The following SYT17 variants were observed in gnomAD, a reference collection of about 807,000 sequenced individuals.
SYT17 encodes the protein synaptotagmin-17.
In SYT17, 22 loss-of-function variants were observed where a neutral mutation model predicts 46.7. That is an observed-to-expected ratio of 0.47 (90% CI 0.34 to 0.67). SYT17 has a LOEUF of 0.67. Ranked by LOEUF, SYT17 falls within the 30% of genes least tolerant of loss-of-function variation. SYT17 has a pLI of 0.01. For synonymous variants in SYT17, 251 were observed against 248.4 expected (o/e 1.01, Z -0.10); for missense variants, 519 against 612.8 (o/e 0.85, Z 1.62).
Position 19,267,257 on chromosome 16 carries a change from A to T in SYT17, c.*181A>T, listed in dbSNP as rs1969431304. 1 of 556,214 alleles carries T rather than the reference A, an allele frequency of 1.8e-6. No homozygotes were observed. Among genetic ancestry groups the T allele is most frequent in the South Asian group, 3.2e-5 (1 of 30,906 alleles). 34.5% of individuals were successfully genotyped at this position (556,214 alleles called of 1,614,324 possible). On this transcript the variant is annotated 3_prime_UTR_variant, in exon 8 of 8. Coordinates refer to ENST00000355377, the MANE Select transcript of SYT17 (RefSeq NM_016524.4). Reference sequence around the variant, plus strand: ...AGAACTGAGAGGAAGCTGACTATTGATCACAAAATGGCCGCCCTCAGTTGA... The same window carrying T: ...AGAACTGAGAGGAAGCTGACTATTGTTCACAAAATGGCCGCCCTCAGTTGA...
At chr16:19,195,811 C>A (rs1043325837) in intron 5 of SYT17, among the ~76,000 whole-genome samples, 10 of 151,948 alleles carry the variant, frequency 6.6e-5, no homozygotes, top group Non-Finnish European at 1.2e-4. Context: ...GAGTGAGATC[C>A]CCATCTCTAC....
At chr16:19,180,173 T>C in intron 3 of SYT17, 1 of 542,112 alleles carries the variant, frequency 1.8e-6, no homozygotes, top group Admixed American at 3.1e-5. Context: ...CAGATTGTTC[T>C]AAATTGGGGA....
chr16:19,212,000 A>T (rs932194341), intron 5 of SYT17, among the ~76,000 whole-genome samples: 2 of 152,184 alleles, frequency 1.3e-5, no homozygotes, highest in Non-Finnish European at 2.9e-5. Flanking sequence ...GTAGGCAGGA[A>T]TCAAATCATT....
intron 5 of SYT17, among the ~76,000 whole-genome samples, chr16:19,191,196 A>G (rs982348639): frequency 3.9e-5 from 6 of 151,968 alleles, no homozygotes; most frequent in Admixed American, 6.5e-5. Context: ...AACCCACCAT[A>G]AACAAACACT....
intron 7 of SYT17, 48 bp from the exon 8 acceptor site, chr16:19,266,832 C>G: frequency 6.4e-7 from 1 of 1,565,692 alleles, no homozygotes; most frequent in Non-Finnish European, 8.7e-7. Context: ...GTTCTGTTCC[C>G]CTCCTTCCTC....
intron 5 of SYT17, among the ~76,000 whole-genome samples, chr16:19,198,379 C>T (rs910420479): frequency 6.6e-6 from 1 of 152,134 alleles, no homozygotes; most frequent in African/African-American, 2.4e-5. Flanking sequence ...AAGCACAGAC[C>T]TAGTGTCCTT....
At chr16:19,210,062 A>G (rs1308576906) in intron 5 of SYT17, among the ~76,000 whole-genome samples, 1 of 140,964 alleles carries the variant, frequency 7.1e-6, no homozygotes, top group Non-Finnish European at 1.6e-5. Flanking sequence ...TAATTCTTTT[A>G]GTTTTATTAT....
intron 7 of SYT17, among the ~76,000 whole-genome samples, chr16:19,265,085 A>G (rs1198641765): frequency 2.0e-5 from 3 of 152,228 alleles, no homozygotes; most frequent in East Asian, 3.8e-4. Flanking sequence ...TGAGGCTCAC[A>G]GGGAAGGGGA....
chr16:19,223,832 A>G (rs1966408382), intron 6 of SYT17, among the ~76,000 whole-genome samples: 1 of 152,182 alleles, frequency 6.6e-6, no homozygotes, highest in African/African-American at 2.4e-5. Context: ...GAGGCTTAGA[A>G]AGGGCCAGTG....
intron 5 of SYT17, among the ~76,000 whole-genome samples, chr16:19,195,163 T>G (rs1965184260): frequency 6.6e-6 from 1 of 152,178 alleles, no homozygotes; most frequent in African/African-American, 2.4e-5. Context: ...TAGCACTCAC[T>G]GTGCACTGGG....
At chr16:19,237,071 A>G (rs1048954879) in intron 7 of SYT17, among the ~76,000 whole-genome samples, 32 of 152,224 alleles carry the variant, frequency 2.1e-4, no homozygotes, top group African/African-American at 7.5e-4. Context: ...GCCAAAGACA[A>G]AGGCTAGGCC....
chr16:19,177,376 TG>T (rs1964355991), intron 3 of SYT17, among the ~76,000 whole-genome samples: 1 of 152,208 alleles, frequency 6.6e-6, no homozygotes, highest in Non-Finnish European at 1.5e-5. Flanking sequence ...TTCTGAACAC[TG>T]GGCAGTGCTT....
chr16:19,232,179 G>GCATA (rs1251964465), intron 7 of SYT17, among the ~76,000 whole-genome samples: 1 of 152,182 alleles, frequency 6.6e-6, no homozygotes, highest in African/African-American at 2.4e-5. Context: ...ATTGACCAGG[G>GCATA]CATAGGCTTA....
rs1004920172 is a variant in SYT17, at chr16:19,183,957, C to T, written c.761C>T (p.Pro254Leu). Residue 254 changes from proline (P) to leucine (L), a missense_variant, in exon 5 of 8, where the codon CCC becomes CTC. By Grantham distance (98) the Pro-to-Leu change is moderately conservative. Transcript: ENST00000355377. This position sits in a 1 kb window ranked among gnomAD's most constrained non-coding sequence, Gnocchi z 5.6. ...GGGGTCAAACGCAAGACCCAGAAGC[C>T]CGTGTTTGAGGAGCGCTACACCTTC... ...QTGVKRKTQK[P>L]VFEERYTFEI... 1.2e-6 allele frequency: 2 copies of T among 1,614,158 alleles called. No homozygotes were observed. The highest frequency in any genetic ancestry group is 1.7e-6 in the Non-Finnish European group (2 of 1,180,040).
intron 1 of SYT17, chr16:19,171,779 C>T (rs1403194237): frequency 6.6e-6 from 1 of 151,988 alleles, no homozygotes; most frequent in African/African-American, 2.4e-5. Context: ...GAAGAATAAA[C>T]CCAATGGGAA....
In SYT17 at chr16:19,183,487, C is replaced by T. The variant is rs1964636023; in HGVS notation, c.332-41C>T. The T allele has an allele frequency of 5.6e-6, 9 of 1,608,002 alleles. No homozygotes were observed. The highest frequency in any genetic ancestry group is 4.4e-5 in the South Asian group (4 of 90,684). ...CCTGCAAAGTGGCCCAGGTCTGCCC[C>T]GTATGTGGCTGTCTTCATTGTTATT... On this transcript the variant is annotated intron_variant, in intron 4 of 7. Coordinates refer to ENST00000355377, the MANE Select transcript of SYT17 (RefSeq NM_016524.4). This position sits in a 1 kb window ranked among gnomAD's most constrained non-coding sequence, Gnocchi z 5.6.
intron 7 of SYT17, among the ~76,000 whole-genome samples, chr16:19,243,819 CAAAAAAA>C (rs760219447): frequency 1.1e-4 from 6 of 56,920 alleles, no homozygotes; most frequent in Middle Eastern, 0.013. Flanking sequence ...AAAACTCCAT[CAAAAAAA>C]AAAAAAAAAA....
intron 5 of SYT17, among the ~76,000 whole-genome samples, chr16:19,188,513 CAAAAAAAAAAAA>C (rs61202540): frequency 7.7e-5 from 5 of 64,584 alleles, no homozygotes; most frequent in African/African-American, 2.0e-4. Flanking sequence ...TTCAGTTCTG[CAAAAAAAAAAAA>C]AAAAAAAAAA....
chr16:19,259,142 G>C (rs973113409), intron 7 of SYT17, among the ~76,000 whole-genome samples: 5 of 152,196 alleles, frequency 3.3e-5, no homozygotes, highest in Non-Finnish European at 5.9e-5. Context: ...TGTCCCCAGA[G>C]GGTAGCCTTA....
Sources: gnomAD v4.1 joint callset for allele counts (sites outside exome capture counted in the v4.1 genomes callset) on GRCh38, gnomAD v4.1.1 for gene constraint, Gnocchi (gnomAD v3.1) non-coding constraint, MANE v1.5 for transcripts, NCBI Gene and HGNC (gene_info 2026-07-23, HGNC 2026-07-21) for gene names.